ANO10: variants seen among roughly 807,000 people sequenced by gnomAD.
ANO10 encodes the protein anoctamin-10.
Under a neutral mutation model 74.7 loss-of-function variants are expected in ANO10, and 77 were observed. The ratio of observed to expected loss-of-function variants is 1.03; its 90% confidence interval spans 0.86 to 1.25. The LOEUF is 1.25. Ranked by LOEUF, ANO10 falls within the 50% of genes most tolerant of loss-of-function variation. The probability of loss-of-function intolerance (pLI) is 0.00; values close to 1 mark genes in which losing one functional copy is unlikely to be tolerated. For synonymous variants in ANO10, 279 were observed against 284.9 expected (o/e 0.98, Z 0.21); for missense variants, 721 against 778.1 (o/e 0.93, Z 0.87).
chr3:43,606,345 G>C (rs2082563033), intron 1 of ANO10, among the ~76,000 whole-genome samples: 1 of 152,168 alleles, frequency 6.6e-6, no homozygotes, highest in South Asian at 2.1e-4. Flanking sequence ...CATTAACTTT[G>C]TGTAGGAGGA....
intron 12 of ANO10, among the ~76,000 whole-genome samples, chr3:43,426,938 C>T (rs2092907967): frequency 6.6e-6 from 1 of 152,086 alleles, no homozygotes; most frequent in Non-Finnish European, 1.5e-5. Context: ...GATCTGTTTT[C>T]AGTACATTTC....
At chr3:43,388,871 A>G (rs1224943745) in intron 12 of ANO10, among the ~76,000 whole-genome samples, 1 of 152,246 alleles carries the variant, frequency 6.6e-6, no homozygotes, top group Non-Finnish European at 1.5e-5. Context: ...AGTCCCAAAT[A>G]CTATCTTCAT....
At chr3:43,588,037 CACAA>C (rs1394126549) in intron 4 of ANO10, among the ~76,000 whole-genome samples, 8 of 152,174 alleles carry the variant, frequency 5.3e-5, no homozygotes, top group East Asian at 1.9e-4. Context: ...AAACCTAATC[CACAA>C]ACAAACATCA....
intron 12 of ANO10, among the ~76,000 whole-genome samples, chr3:43,423,094 T>C (rs2092844165): frequency 6.7e-6 from 1 of 149,072 alleles, no homozygotes; most frequent in African/African-American, 2.5e-5. Flanking sequence ...GTTACTGATG[T>C]CAATCACAGT....
At chr3:43,617,304 C>T (rs750929371) in intron 1 of ANO10, among the ~76,000 whole-genome samples, 5 of 151,928 alleles carry the variant, frequency 3.3e-5, no homozygotes, top group Admixed American at 2.6e-4. Context: ...TTCCTGGGCA[C>T]CAGAGGGTAG....
chr3:43,578,074 CTTAG>C (rs1559732008), intron 5 of ANO10, among the ~76,000 whole-genome samples: 1 of 152,078 alleles, frequency 6.6e-6, no homozygotes, highest in Non-Finnish European at 1.5e-5. Context: ...GTTATTATTT[CTTAG>C]TTAATAATAC....
At chr3:43,502,378 T>A (rs1042551823) in intron 11 of ANO10, among the ~76,000 whole-genome samples, 1 of 152,164 alleles carries the variant, frequency 6.6e-6, no homozygotes, top group African/African-American at 2.4e-5. Flanking sequence ...CTTGCTGTAA[T>A]GAGTGACTTC....
chr3:43,577,142 C>G lies in ANO10; in HGVS notation c.712G>C (p.Glu238Gln). ...AAGATCACGTACTTGTCATAGTCTT[C>G]CCACACAAACAAGTAGTAAGGTAAC... ...IGLPYYLFVW[E>Q]DYDKYVIFAS... Residue 238 changes from glutamate to glutamine, a missense_variant, in exon 6 of 13, where the codon GAA becomes CAA. Transcript: ENST00000292246. 9.3e-6 allele frequency: 15 copies of G among 1,614,128 alleles called. No homozygotes were observed. Among genetic ancestry groups the G allele is most frequent in the Non-Finnish European group, 1.2e-5 (14 of 1,180,008 alleles).
chr3:43,430,204 T>C (rs1193884694), intron 12 of ANO10, among the ~76,000 whole-genome samples: 1 of 152,208 alleles, frequency 6.6e-6, no homozygotes, highest in African/African-American at 2.4e-5. Flanking sequence ...ATTAAAGATA[T>C]TGACTTTGTT....
intron 12 of ANO10, among the ~76,000 whole-genome samples, chr3:43,382,811 C>T (rs544463900): frequency 1.3e-5 from 2 of 152,198 alleles, no homozygotes; most frequent in African/African-American, 2.4e-5. Flanking sequence ...TACAACCCTC[C>T]TAGTTTAAAC....
chr3:43,594,555 G>A (rs1575506637), intron 4 of ANO10, among the ~76,000 whole-genome samples: 1 of 152,262 alleles, frequency 6.6e-6, no homozygotes, highest in South Asian at 2.1e-4. Flanking sequence ...GGTGTTCTCT[G>A]AAACCAATGA....
At chr3:43,687,875 T>C (rs545102965) in intron 1 of ANO10, among the ~76,000 whole-genome samples, 2 of 152,166 alleles carry the variant, frequency 1.3e-5, no homozygotes, top group South Asian at 2.1e-4. Context: ...TGTTGGTCCA[T>C]TGTCTCCCAA....
chr3:43,513,278 C>T (rs2077579221), intron 11 of ANO10, among the ~76,000 whole-genome samples: 1 of 152,014 alleles, frequency 6.6e-6, no homozygotes, highest in African/African-American at 2.4e-5. Context: ...AGTCTTGACT[C>T]AGTACTGGGA....
At chr3:43,445,122 C>CA (rs10689478) in intron 11 of ANO10, among the ~76,000 whole-genome samples, 57,714 of 91,474 alleles carry the variant, frequency 0.63, 17,201 homozygotes, top group East Asian at 0.75. Context: ...GACTTTGCCT[C>CA]AAAAAAAAAA....
intron 10 of ANO10, among the ~76,000 whole-genome samples, chr3:43,552,794 C>T (rs996913359): frequency 3.3e-5 from 5 of 150,332 alleles, no homozygotes; most frequent in Non-Finnish European, 7.4e-5. Flanking sequence ...TATATATACA[C>T]ACACTATTTT....
At chr3:43,372,695 GA>G in intron 12 of ANO10, 1 of 672,490 alleles carries the variant, frequency 1.5e-6, no homozygotes, top group Non-Finnish European at 2.6e-6. Context: ...ATTGTTTGCA[GA>G]TTTTTTTTCT....
chr3:43,609,369 C>T (rs1324458057), intron 1 of ANO10, among the ~76,000 whole-genome samples: 1 of 152,114 alleles, frequency 6.6e-6, no homozygotes, highest in African/African-American at 2.4e-5. Flanking sequence ...ATCTTCTGAC[C>T]TAAAGCAAAA....
At position 43,555,388 on chromosome 3, in the gene ANO10, C is replaced by A. The variant is rs772110161; in HGVS notation, c.1558G>T (p.Ala520Ser). 5 of 1,614,154 alleles carry A rather than the reference C, an allele frequency of 3.1e-6. No individual in the cohort carries two copies. Among genetic ancestry groups the A allele is most frequent in the South Asian group, 1.1e-5 (1 of 91,082 alleles). The change falls in exon 10 of 13, where the codon GCC (alanine) becomes TCC (serine). Residue 520 changes from alanine to serine, a missense_variant. By Grantham distance (99) the Ala-to-Ser change is moderately conservative (BLOSUM62 1). Coordinates refer to ENST00000292246, the MANE Select transcript of ANO10 (RefSeq NM_018075.5). The stretch of plus-strand genomic sequence containing the variant: ...GTGAAGTTATTTAACACAGCAAAGG[C>A]AGCTGCTAATGGGTAAACACAGGAG... ...LFSCVYPLAA[A>S]FAVLNNFTEV...
intron 4 of ANO10, among the ~76,000 whole-genome samples, chr3:43,597,806 C>T (rs2082161616): frequency 6.6e-6 from 1 of 151,932 alleles, no homozygotes; most frequent in African/African-American, 2.4e-5. Context: ...GTGGTCCCAG[C>T]TACTGGGGAG....
Sources: gnomAD v4.1 joint callset for allele counts (sites outside exome capture counted in the v4.1 genomes callset) on GRCh38, gnomAD v4.1.1 for gene constraint, MANE v1.5 for transcripts, NCBI Gene and HGNC (gene_info 2026-07-23, HGNC 2026-07-21) for gene names.